Variants in CFAP53 observed in about 807,000 individuals in gnomAD.
CFAP53 encodes the protein cilia and flagella associated protein 53, also known as cilia- and flagella-associated protein 53.
Under a neutral mutation model 59.7 loss-of-function variants are expected in CFAP53, and 62 were observed. The ratio of observed to expected loss-of-function variants is 1.04; its 90% CI spans 0.85 to 1.28. CFAP53 has a LOEUF of 1.28. Among genes scored for constraint, CFAP53 ranks in the 50% most tolerant of loss-of-function variants. The pLI, the probability that CFAP53 is intolerant of heterozygous loss-of-function variation, is 0.00. For synonymous variants in CFAP53, 218 were observed against 205.7 expected, an observed-to-expected ratio of 1.06 and a Z score of -0.51; for missense variants, 629 against 615.6, an observed-to-expected ratio of 1.02 and a Z score of -0.23.
At chr18:50,243,141 G>A (rs1362505049) in intron 5 of CFAP53, 25 bp from the exon 6 acceptor site, 1 of 1,571,350 alleles carries the variant, frequency 6.4e-7, no homozygotes, top group Non-Finnish European at 8.7e-7. Flanking sequence ...AATTCATATT[G>A]TTAAAATTTT....
rs776295581 is a variant in CFAP53 at position 50,251,610 on chromosome 18, T to G, written c.648A>C (p.Glu216Asp). 160 of 1,614,110 alleles carry G rather than the reference T, an allele frequency of 9.9e-5. No individual in the cohort carries two copies. Among genetic ancestry groups the G allele is most frequent in the Non-Finnish European group, 1.3e-4 (158 of 1,180,054 alleles). Reference protein sequence around the residue: ...EEDRLAKEKREAQEARRQKEL... With the variant: ...EEDRLAKEKRDAQEARRQKEL... ...CTTTCTGTCTCCTCGCCTCTTGGGC[T>G]TCTCGCTTTTCCTTGGCTAATCGGT... The change falls in exon 4 of 8, where the codon GAA (glutamate) becomes GAC (aspartate). Residue 216 changes from glutamate to aspartate, a missense_variant. Coordinates refer to ENST00000398545, the MANE Select transcript of CFAP53 (RefSeq NM_145020.5).
At chr18:50,260,889 CAT>C (rs1424807895) in intron 3 of CFAP53, among the ~76,000 whole-genome samples, 173 bp downstream of exon 3, 1 of 152,200 alleles carries the variant, frequency 6.6e-6, no homozygotes, top group African/African-American at 2.4e-5. Context: ...AACATTAGAA[CAT>C]AGTTCTCAAG....
At chr18:50,253,707 T>C (rs1048146622) in intron 3 of CFAP53, among the ~76,000 whole-genome samples, 1 of 152,184 alleles carries the variant, frequency 6.6e-6, no homozygotes, top group African/African-American at 2.4e-5. Flanking sequence ...ACACAGCAGT[T>C]AAGCATCTTA....
intron 7 of CFAP53, among the ~76,000 whole-genome samples, chr18:50,235,127 A>T (rs2033620257): frequency 6.6e-6 from 1 of 152,172 alleles, no homozygotes; most frequent in African/African-American, 2.4e-5. Flanking sequence ...AGGTAGCAAA[A>T]AACTTTAGAA....
chr18:50,231,218 T>A (rs1568149776), intron 7 of CFAP53, among the ~76,000 whole-genome samples: 1 of 152,254 alleles, frequency 6.6e-6, no homozygotes. Flanking sequence ...CTTTGTTTCC[T>A]GGCAGTCAGC....
chr18:50,251,838 T>A, intron 3 of CFAP53, 54 bp from the exon 4 acceptor site: 1 of 1,443,856 alleles, frequency 6.9e-7, no homozygotes, highest in Non-Finnish European at 9.6e-7. Flanking sequence ...GGCACTGCTC[T>A]ATTGAGGCAC....
intron 3 of CFAP53, among the ~76,000 whole-genome samples, chr18:50,260,109 A>G (rs1382422978): frequency 6.6e-6 from 1 of 152,224 alleles, no homozygotes; most frequent in Non-Finnish European, 1.5e-5. Flanking sequence ...GTACTCCCAT[A>G]CAAATCTTCC....
intron 5 of CFAP53, among the ~76,000 whole-genome samples, chr18:50,243,951 CAAAAAA>C (rs759224070): frequency 8.7e-6 from 1 of 115,042 alleles, no homozygotes; most frequent in South Asian, 2.8e-4. Context: ...GACTCCGTTT[CAAAAAA>C]AAAAAAACAA....
intron 3 of CFAP53, among the ~76,000 whole-genome samples, chr18:50,259,331 T>A (rs1305021749): frequency 6.6e-6 from 1 of 152,156 alleles, no homozygotes; most frequent in Non-Finnish European, 1.5e-5. Flanking sequence ...GTCATTATGT[T>A]AAGTGAAATA....
At chr18:50,228,704 T>A (rs1363532037) in intron 7 of CFAP53, among the ~76,000 whole-genome samples, 1 of 151,988 alleles carries the variant, frequency 6.6e-6, no homozygotes, top group African/African-American at 2.4e-5. Context: ...GGCAGGAGAA[T>A]CACTTGAACC....
chr18:50,263,388 T>C (rs2033912550), intron 1 of CFAP53, among the ~76,000 whole-genome samples: 1 of 152,232 alleles, frequency 6.6e-6, no homozygotes, highest in Non-Finnish European at 1.5e-5. Context: ...TAGGTGTTTG[T>C]AATGAAGTCT....
rs145402483 is a variant in CFAP53, at chr18:50,242,377, C to T, written c.1213+523G>A. Reference sequence around the variant, plus strand: ...ATTAATTTTGAGAACTAATAAATGTCCATGAAATCTTCACAATTTATGTTC... The same window carrying T: ...ATTAATTTTGAGAACTAATAAATGTTCATGAAATCTTCACAATTTATGTTC... On this transcript the variant is annotated intron_variant, in intron 6 of 7. Coordinates refer to ENST00000398545, the MANE Select transcript of CFAP53 (RefSeq NM_145020.5). Among the ~76,000 whole-genome samples, 70 of 152,268 alleles carry T rather than the reference C, an allele frequency of 4.6e-4. 1 individual carries two copies. The Middle Eastern group carries it at 0.02, about 44-fold the overall frequency.
chr18:50,256,686 T>C (rs2033849373), intron 3 of CFAP53, among the ~76,000 whole-genome samples: 1 of 152,024 alleles, frequency 6.6e-6, no homozygotes, highest in Non-Finnish European at 1.5e-5. Flanking sequence ...GGGCTGTCCA[T>C]ATTATTAATA....
At chr18:50,241,469 G>A (rs1019001617) in intron 6 of CFAP53, among the ~76,000 whole-genome samples, 1 of 152,182 alleles carries the variant, frequency 6.6e-6, no homozygotes, top group Admixed American at 6.5e-5. Flanking sequence ...ATCATAGGCA[G>A]AGACAACGAC....
chr18:50,260,369 A>T (rs966144191), intron 3 of CFAP53, among the ~76,000 whole-genome samples: 12 of 152,104 alleles, frequency 7.9e-5, no homozygotes, highest in African/African-American at 2.9e-4. Flanking sequence ...AATAAAGAAG[A>T]GAGTAGAGAG....
chr18:50,262,097 A>G lies in CFAP53; in HGVS notation c.192T>C (p.Ala64=), dbSNP rs775080699. ...TGCAGTCATTGTGCTGGTCCCACTC[A>G]GCTTTCAAGCGATCCCGCTCACTTG... The part of the protein sequence containing the change: ...IKSSERDRLK[A]EWDQHNDCKI... Residue 64 remains alanine, a synonymous_variant, in exon 2 of 8, where the codon GCT becomes GCC. Transcript: ENST00000398545. 4 of 1,614,122 alleles carry G rather than the reference A, an allele frequency of 2.5e-6. No homozygotes were observed. Among genetic ancestry groups the G allele is most frequent in the Non-Finnish European group, 3.4e-6 (4 of 1,180,052 alleles).
Position 50,262,148 on chromosome 18 carries a change from A to T in CFAP53, c.141T>A (p.His47Gln). 1 of 1,614,224 alleles carries T rather than the reference A, an allele frequency of 6.2e-7. No individual in the cohort carries two copies. Among genetic ancestry groups the T allele is most frequent in the East Asian group, 2.2e-5 (1 of 44,882 alleles). The change falls in exon 2 of 8, where the codon CAT (histidine) becomes CAA (glutamine). Residue 47 changes from histidine (H) to glutamine (Q), a missense_variant. Physicochemically the swap from His to Gln is conservative, Grantham distance 24. Transcript: ENST00000398545. ...LERIRRSHQK[H>Q]NAILASIKSS... ...ACTTAATGGAAGCCAAAATAGCATT[A>T]TGCTTCTGATGGCTGCGTCGGATTC...
intron 5 of CFAP53, among the ~76,000 whole-genome samples, chr18:50,249,932 GAA>G (rs2033781585): frequency 1.3e-5 from 2 of 152,040 alleles, no homozygotes; most frequent in Admixed American, 1.3e-4. Context: ...ATATCAAAAT[GAA>G]AAGTTTATCC....
chr18:50,235,181 G>A (rs918415783), intron 7 of CFAP53, among the ~76,000 whole-genome samples: 10 of 152,202 alleles, frequency 6.6e-5, no homozygotes, highest in African/African-American at 2.4e-4. Context: ...CCTCAAAAAG[G>A]AGTTCCTGAA....
Sources: allele counts gnomAD v4.1 joint callset (sites outside exome capture counted in the v4.1 genomes callset), GRCh38; gene constraint gnomAD v4.1.1; transcripts MANE v1.5; gene names NCBI Gene and HGNC (gene_info 2026-07-23, HGNC 2026-07-21).